Variants in ZMAT2 observed in about 807,000 individuals in gnomAD.
ZMAT2 encodes the protein zinc finger matrin-type 2.
A neutral mutation model predicts 27.5 loss-of-function variants in ZMAT2; 5 were observed. The observed-to-expected ratio is 0.18, with a 90% CI of 0.10 to 0.38. ZMAT2 has a LOEUF of 0.38. Ranked by LOEUF, ZMAT2 falls within the 10% of genes least tolerant of loss-of-function variation. The pLI, the probability that ZMAT2 is intolerant of heterozygous loss-of-function variation, is 1.00. For synonymous variants in ZMAT2, 76 were observed against 78.6 expected, an observed-to-expected ratio of 0.97 and a Z score of 0.17; for missense variants, 124 against 243.9, an observed-to-expected ratio of 0.51 and a Z score of 3.27.
At chr5:140,700,791 G>C (rs1340159117) in intron 1 of ZMAT2, 28 bp from the exon 2 acceptor site, 17 of 1,611,764 alleles carry the variant, frequency 1.1e-5, no homozygotes, top group Middle Eastern at 1.7e-4. Flanking sequence ...ACACGGCGAC[G>C]GATCTTGACG....
At chr5:140,703,241 CTTTTTTT>C (rs34233013) in intron 3 of ZMAT2, among the ~76,000 whole-genome samples, 1 of 138,746 alleles carries the variant, frequency 7.2e-6, no homozygotes, top group Admixed American at 7.2e-5. Context: ...TTTTTCTTTT[CTTTTTTT>C]TTTTTTTTCT....
chr5:140,700,672 T>G, intron 1 of ZMAT2, 147 bp from the exon 2 acceptor site: 1 of 1,281,776 alleles, frequency 7.8e-7, no homozygotes, highest in Non-Finnish European at 1.1e-6. Flanking sequence ...GGTTGGGGTC[T>G]TGAGGCTACC....
At position 140,702,034 on chromosome 5, in the gene ZMAT2, G is replaced by A; in HGVS notation, c.141G>A (p.Glu47=). 6.2e-7 allele frequency: 1 copy of A among 1,612,416 alleles called. No homozygotes were observed. Among genetic ancestry groups the A allele is most frequent in the Admixed American group, 1.7e-5 (1 of 59,754 alleles). Residue 47 remains glutamate, a synonymous_variant, in exon 3 of 6, where the codon GAG becomes GAA. Transcript: ENST00000274712. Reference sequence around the variant, plus strand: ...AACCAGTGCAGCCTGTCAAGCGAGAGCTTTTACGGCATAGGGACTACAAGG... The same window carrying A: ...AACCAGTGCAGCCTGTCAAGCGAGAACTTTTACGGCATAGGGACTACAAGG... ...DGKPVQPVKR[E]LLRHRDYKVD...
intron 2 of ZMAT2, 109 bp downstream of exon 2, chr5:140,701,021 A>AGAGT (rs1759951791): frequency 9.5e-7 from 1 of 1,055,922 alleles, no homozygotes; most frequent in African/African-American, 1.6e-5. Flanking sequence ...AAGCTCTGGC[A>AGAGT]GAGTGCTGCT....
intron 4 of ZMAT2, 33 bp from the exon 5 acceptor site, chr5:140,704,393 G>T: frequency 6.3e-7 from 1 of 1,586,484 alleles, no homozygotes; most frequent in African/African-American, 1.4e-5. Context: ...ATGTTGTAAT[G>T]AACTTGCCTT....
Position 140,704,520 on chromosome 5 carries a change from G to T in ZMAT2, c.405G>T (p.Glu135Asp). The T allele has an allele frequency of 6.2e-7, 1 of 1,614,118 alleles. No homozygotes were observed. Among genetic ancestry groups the T allele is most frequent in the South Asian group, 1.1e-5 (1 of 91,080 alleles). ...AGGTCAACAAGAAGAAGATGGAAGA[G>T]AAGCAGAAGGATTATGATTTTGAGG... The part of the protein sequence containing the change: ...RFEVNKKKME[E>D]KQKDYDFEER... Residue 135 changes from glutamate to aspartate, a missense_variant, in exon 5 of 6, where the codon GAG (glutamate) becomes GAT (aspartate). Coordinates refer to ENST00000274712, the MANE Select transcript of ZMAT2 (RefSeq NM_144723.3).
Position 140,704,538 on chromosome 5 carries a change from T to C in ZMAT2, c.423T>C (p.Asp141=). ...TGGAAGAGAAGCAGAAGGATTATGA[T>C]TTTGAGGAAAGGATGAAGGAGCTCA... ...KKMEEKQKDY[D]FEERMKELRE... Residue 141 remains aspartate, a synonymous_variant, in exon 5 of 6, where the codon GAT becomes GAC. Transcript: ENST00000274712. The C allele has an allele frequency of 1.2e-6, 2 of 1,614,020 alleles. No individual in the cohort carries two copies. The highest frequency in any genetic ancestry group is 4.5e-5 in the East Asian group (2 of 44,868).
intron 3 of ZMAT2, among the ~76,000 whole-genome samples, chr5:140,703,502 G>T (rs1372182426): frequency 2.8e-4 from 42 of 152,226 alleles, no homozygotes; most frequent in Admixed American, 2.7e-3. Flanking sequence ...CCAAAGTGCT[G>T]GGATTACAGG....
Position 140,704,622 on chromosome 5 carries a change from T to C in ZMAT2, c.456+51T>C, listed in dbSNP as rs367892660. 38 of 1,598,570 alleles carry C rather than the reference T, an allele frequency of 2.4e-5. No homozygotes were observed. The East Asian group carries it at 6.7e-4, about 28-fold the overall frequency. On this transcript the variant is annotated intron_variant, in intron 5 of 5. Transcript: ENST00000274712. ...TCCCCCAGATTTGAGTTTTATGTTA[T>C]GAATCATGGGAGACCCTGTCCTCAT...
At chr5:140,705,281 C>T (rs2149862460) in intron 5 of ZMAT2, among the ~76,000 whole-genome samples, 1 of 151,436 alleles carries the variant, frequency 6.6e-6, no homozygotes, top group East Asian at 1.9e-4. Flanking sequence ...TCCCATATAC[C>T]CACTGTCCCC....
chr5:140,701,921 T>G (rs990376208), intron 2 of ZMAT2, 85 bp from the exon 3 acceptor site: 98 of 1,508,338 alleles, frequency 6.5e-5, no homozygotes, highest in Middle Eastern at 1.8e-4. Flanking sequence ...GAGTAAGACC[T>G]GAATTTTGGA....
rs1416192508 is a variant in ZMAT2, at chr5:140,705,896, C to T, written c.*140C>T. 1.8e-6 allele frequency: 2 copies of T among 1,120,534 alleles called. No individual in the cohort carries two copies. Among genetic ancestry groups the T allele is most frequent in the Non-Finnish European group, 2.5e-6 (2 of 809,542 alleles). 69.4% of individuals were successfully genotyped at this position (1,120,534 alleles called of 1,614,324 possible). On this transcript the variant is annotated 3_prime_UTR_variant, in exon 6 of 6. Coordinates refer to ENST00000274712, the MANE Select transcript of ZMAT2 (RefSeq NM_144723.3). Reference sequence around the variant, plus strand: ...TGGGGAGGGATAGAGGGTGGGGGCTCATGGTTTCCCTCTACTTTGGGAGAG... The same window carrying T: ...TGGGGAGGGATAGAGGGTGGGGGCTTATGGTTTCCCTCTACTTTGGGAGAG...
intron 3 of ZMAT2, 56 bp from the exon 4 acceptor site, chr5:140,703,861 GA>G (rs1760006587): frequency 6.5e-7 from 1 of 1,545,326 alleles, no homozygotes; most frequent in African/African-American, 1.4e-5. Flanking sequence ...TTTCTTGGTT[GA>G]AAATGATAAG....
intron 1 of ZMAT2, 93 bp downstream of exon 1, chr5:140,700,571 C>A: frequency 6.3e-7 from 1 of 1,595,714 alleles, no homozygotes; most frequent in Non-Finnish European, 8.5e-7. Context: ...ACTGGCTTCC[C>A]GATATCTCCT....
rs767470626 is a variant in ZMAT2, at chr5:140,703,975, C to T, written c.294C>T (p.His98=). The change falls in exon 4 of 6, where the codon CAC becomes CAT. Residue 98 remains histidine, a synonymous_variant. Transcript: ENST00000274712. ...VVKDSINFLD[H]INGKKHQRNL... is the part of the protein sequence containing the mutation. ...AGGACTCCATCAACTTTCTGGATCACATTAATGGAAAGAAACGTAAGGCTT... is the reference window on the plus strand; with the variant it reads ...AGGACTCCATCAACTTTCTGGATCATATTAATGGAAAGAAACGTAAGGCTT... 1.9e-6 allele frequency: 3 copies of T among 1,614,084 alleles called. No individual in the cohort carries two copies. The South Asian group carries it at 3.3e-5, about 18-fold the overall frequency.
Position 140,704,537 on chromosome 5 carries a change from A to AT in ZMAT2, c.426dup (p.Glu143Ter), listed in dbSNP as rs1760019511. ...ATGGAAGAGAAGCAGAAGGATTATG[A>AT]TTTTGAGGAAAGGATGAAGGAGCTC... On this transcript the variant is annotated frameshift_variant, in exon 5 of 6. Coordinates refer to ENST00000274712, the MANE Select transcript of ZMAT2 (RefSeq NM_144723.3). LOFTEE classifies it high-confidence loss of function. 1 of 1,613,972 alleles carries AT rather than the reference A, an allele frequency of 6.2e-7. No individual in the cohort carries two copies. Among genetic ancestry groups the AT allele is most frequent in the Non-Finnish European group, 8.5e-7 (1 of 1,180,008 alleles).
intron 2 of ZMAT2, among the ~76,000 whole-genome samples, chr5:140,701,626 C>A (rs547499800): frequency 6.6e-6 from 1 of 152,196 alleles, no homozygotes; most frequent in South Asian, 2.1e-4. Context: ...ATTTGCCCAG[C>A]TCTCAGAAGG....
Position 140,700,489 on chromosome 5 carries a change from T to C in ZMAT2, c.18+11T>C. On this transcript the variant is annotated intron_variant, in intron 1 of 5. Coordinates refer to ENST00000274712, the MANE Select transcript of ZMAT2 (RefSeq NM_144723.3). ...GCGTCGGGCAGCGGGGTAGGTGTTG[T>C]GTCTGAGGAGGAGGTTTTGCGGGGT... 1 of 1,613,080 alleles carries C rather than the reference T, an allele frequency of 6.2e-7. No individual in the cohort carries two copies. The highest frequency in any genetic ancestry group is 8.5e-7 in the Non-Finnish European group (1 of 1,179,944).
At chr5:140,703,589 G>A (rs1581560216) in intron 3 of ZMAT2, among the ~76,000 whole-genome samples, 1 of 152,174 alleles carries the variant, frequency 6.6e-6, no homozygotes, top group Non-Finnish European at 1.5e-5. Context: ...CTTCCCCAGA[G>A]CAAGTAACCC....
Sources: allele counts gnomAD v4.1 joint callset (sites outside exome capture counted in the v4.1 genomes callset), GRCh38; gene constraint gnomAD v4.1.1; transcripts MANE v1.5; gene names NCBI Gene and HGNC (gene_info 2026-07-23, HGNC 2026-07-21).